The following NCOA3 variants were observed in gnomAD, a reference collection of about 807,000 sequenced individuals.
NCOA3 encodes nuclear receptor coactivator 3, also known as CBP-interacting protein.
A neutral mutation model predicts 158.8 loss-of-function variants in NCOA3; 51 were observed. That is an observed-to-expected ratio of 0.32 (90% CI 0.26 to 0.41). The LOEUF is 0.41. NCOA3 is among the 10% of genes least tolerant of loss of function. The pLI is 1.00. For missense variants in NCOA3, 1,510 were observed against 1,746.6 expected (o/e 0.86, Z 2.41); for synonymous variants, 537 against 592.4 (o/e 0.91, Z 1.36).
At chr20:47,548,792 C>T (rs1181981255) in intron 1 of NCOA3, among the ~76,000 whole-genome samples, 1 of 151,588 alleles carries the variant, frequency 6.6e-6, no homozygotes, top group East Asian at 1.9e-4. Context: ...GTAGTCTCCC[C>T]AAGAAGGGCC....
At chr20:47,531,009 A>G (rs1180567034) in intron 1 of NCOA3, among the ~76,000 whole-genome samples, 1 of 152,174 alleles carries the variant, frequency 6.6e-6, no homozygotes, top group African/African-American at 2.4e-5. Flanking sequence ...CATCTCTTCC[A>G]TGGCTAATGC....
chr20:47,583,777 G>A (rs1463677861), intron 2 of NCOA3, among the ~76,000 whole-genome samples: 2 of 152,054 alleles, frequency 1.3e-5, no homozygotes, highest in East Asian at 1.9e-4. Context: ...GCAACAGAGC[G>A]AAACCCCATC....
chr20:47,577,151 T>C (rs2085385150), intron 1 of NCOA3, among the ~76,000 whole-genome samples: 1 of 152,236 alleles, frequency 6.6e-6, no homozygotes, highest in Non-Finnish European at 1.5e-5. Flanking sequence ...CAAAAATGTA[T>C]GGCATAATTT....
At chr20:47,560,968 CTT>C (rs11481985) in intron 1 of NCOA3, among the ~76,000 whole-genome samples, 17 of 101,154 alleles carry the variant, frequency 1.7e-4, no homozygotes, top group East Asian at 3.0e-4. Flanking sequence ...ATCCCTCATT[CTT>C]TTTTTTTTTT....
chr20:47,530,236 A>AT (rs2084522701), intron 1 of NCOA3, among the ~76,000 whole-genome samples: 1 of 152,118 alleles, frequency 6.6e-6, no homozygotes, highest in African/African-American at 2.4e-5. Flanking sequence ...AATGGTTTTG[A>AT]TTGTTTTATT....
Position 47,637,716 on chromosome 20 carries a change from T to C in NCOA3, c.2445T>C (p.Asn815=). The change falls in exon 13 of 23, where the codon AAT becomes AAC. Residue 815 remains asparagine, a synonymous_variant. Transcript: ENST00000371998. ...GDLTSSDFYN[N]SISSNGSHLG... ...TGACTAGTTCTGACTTTTACAATAA[T>C]TCCATATCCTCAAATGGTAGTCATC... 2 of 1,612,622 alleles carry C rather than the reference T, an allele frequency of 1.2e-6. No homozygotes were observed. Among genetic ancestry groups the C allele is most frequent in the Non-Finnish European group, 1.7e-6 (2 of 1,178,964 alleles).
At chr20:47,570,937 TATACACACACACACACACAC>T (rs1432114396) in intron 1 of NCOA3, among the ~76,000 whole-genome samples, 3 of 111,764 alleles carry the variant, frequency 2.7e-5, no homozygotes, top group East Asian at 2.7e-4. Context: ...CAGTAATATA[TATACACACACACACACACAC>T]ACACACACAC....
intron 2 of NCOA3, among the ~76,000 whole-genome samples, chr20:47,614,340 G>T (rs2086097264): frequency 6.6e-6 from 1 of 152,128 alleles, no homozygotes; most frequent in Admixed American, 6.5e-5. Context: ...TCAGTTTTGG[G>T]TAGAACTTTT....
chr20:47,525,422 A>C (rs2084413745), intron 1 of NCOA3, among the ~76,000 whole-genome samples: 1 of 150,458 alleles, frequency 6.6e-6, no homozygotes. Context: ...CATTGTCATC[A>C]TGGCCCGTTC....
intron 1 of NCOA3, among the ~76,000 whole-genome samples, chr20:47,545,237 C>G (rs1005651363): frequency 7.5e-6 from 1 of 132,618 alleles, no homozygotes; most frequent in African/African-American, 2.8e-5. Flanking sequence ...AGTGCAGTGA[C>G]AGGATCTCGG....
intron 1 of NCOA3, among the ~76,000 whole-genome samples, chr20:47,525,872 G>A (rs1226424705): frequency 7.2e-6 from 1 of 138,216 alleles, no homozygotes; most frequent in Non-Finnish European, 1.6e-5. Flanking sequence ...CGGATGGGGC[G>A]GCTGGCCGGG....
chr20:47,517,551 AGTGATTC>A (rs2084256312), intron 1 of NCOA3, among the ~76,000 whole-genome samples: 1 of 150,258 alleles, frequency 6.7e-6, no homozygotes, highest in South Asian at 2.1e-4. Context: ...TCCGGGTTCA[AGTGATTC>A]TCCTGCCTCA....
At chr20:47,514,713 CTTT>C (rs143888226) in intron 1 of NCOA3, among the ~76,000 whole-genome samples, 6 of 104,996 alleles carry the variant, frequency 5.7e-5, no homozygotes, top group Non-Finnish European at 9.7e-5. Context: ...TTGTTTTTTG[CTTT>C]TTTTTTTTTT....
intron 1 of NCOA3, among the ~76,000 whole-genome samples, chr20:47,540,146 C>G (rs1017954267): frequency 6.6e-6 from 1 of 152,082 alleles, no homozygotes; most frequent in African/African-American, 2.4e-5. Flanking sequence ...CCTTAGGAGT[C>G]AAGGAAATAA....
rs972828817 is a variant in NCOA3 at position 47,501,945 on chromosome 20, C to A, written c.-173C>A. The A allele has an allele frequency of 5.0e-6, 2 of 400,612 alleles. No individual in the cohort carries two copies. The highest frequency in any genetic ancestry group is 1.3e-4 in the South Asian group (1 of 7,948). 24.8% of individuals were successfully genotyped at this position (400,612 alleles called of 1,614,324 possible). A position where few individuals can be genotyped will look rare whatever the true frequency, so the allele number is the denominator to read the frequency against. On this transcript the variant is annotated 5_prime_UTR_variant, in exon 1 of 23. Coordinates refer to ENST00000371998, the MANE Select transcript of NCOA3 (RefSeq NM_181659.3). ...GCAGCGGCTGCGGCTTAGTCGGTGG[C>A]GGCCGGCGGCGGCTGCGGGCTGAGC...
chr20:47,611,477 A>G (rs924399196), intron 2 of NCOA3, among the ~76,000 whole-genome samples: 17 of 152,196 alleles, frequency 1.1e-4, no homozygotes, highest in African/African-American at 4.1e-4. Context: ...CCAGAGGTAA[A>G]AAATGGTACA....
At chr20:47,566,146 C>T (rs2085191383) in intron 1 of NCOA3, among the ~76,000 whole-genome samples, 1 of 151,958 alleles carries the variant, frequency 6.6e-6, no homozygotes, top group Non-Finnish European at 1.5e-5. Flanking sequence ...TGGTCTCGAA[C>T]TCCAGACCTC....
chr20:47,633,018 TCCTC>T (rs765080025), intron 8 of NCOA3, among the ~76,000 whole-genome samples: 4 of 152,062 alleles, frequency 2.6e-5, no homozygotes, highest in Non-Finnish European at 5.9e-5. Context: ...AGGCTCTCCT[TCCTC>T]CCTCATGCCC....
At chr20:47,584,665 TTCATTAAGTGGA>T (rs1333381610) in intron 2 of NCOA3, among the ~76,000 whole-genome samples, 1 of 151,734 alleles carries the variant, frequency 6.6e-6, no homozygotes, top group Non-Finnish European at 1.5e-5. Context: ...ATACATATTA[TTCATTAAGTGGA>T]TCATCATAAA....
Sources: gnomAD v4.1 joint callset for allele counts (sites outside exome capture counted in the v4.1 genomes callset) on GRCh38, gnomAD v4.1.1 for gene constraint, MANE v1.5 for transcripts, NCBI Gene and HGNC (gene_info 2026-07-23, HGNC 2026-07-21) for gene names.